PLCB1: variants seen among roughly 807,000 people sequenced by gnomAD.
PLCB1 encodes phospholipase C beta 1, also known as 1-phosphatidylinositol 4,5-bisphosphate phosphodiesterase beta-1.
A neutral mutation model predicts 161.8 loss-of-function variants in PLCB1; 46 were observed. The observed-to-expected ratio is 0.28, with a 90% CI of 0.22 to 0.36. The LOEUF is 0.36. Among genes scored for constraint, PLCB1 ranks in the 10% least tolerant of loss-of-function variants. The pLI is 1.00. For synonymous variants in PLCB1, 517 were observed against 503.7 expected, an observed-to-expected ratio of 1.03 and a Z score of -0.35; for missense variants, 1,016 against 1,472.5, an observed-to-expected ratio of 0.69 and a Z score of 5.07.
Position 8,557,083 on chromosome 20 carries a change from A to G in PLCB1, c.247-71211A>G, listed in dbSNP as rs1035348962. On this transcript the variant is annotated intron_variant, in intron 3 of 31. Coordinates refer to ENST00000338037, the MANE Select transcript of PLCB1 (RefSeq NM_015192.4). ...GTGAAGATGAGGGAAACTGTAACCC[A>G]TGTATGTTCCTAGTGATGATAGGAA... is the stretch of plus-strand genomic sequence containing the variant. Among the ~76,000 whole-genome samples the G allele has an allele frequency of 7.2e-5, 11 of 151,870 alleles. 1 individual carries two copies. In the South Asian group the frequency reaches 8.3e-4, roughly 11 times the overall value.
At chr20:8,478,171 A>G (rs1982358973) in intron 3 of PLCB1, among the ~76,000 whole-genome samples, 2 of 152,218 alleles carry the variant, frequency 1.3e-5, no homozygotes, top group African/African-American at 4.8e-5. Flanking sequence ...AAGATCAAGT[A>G]TTTGTTGAGA....
chr20:8,203,933 A>G (rs1978384252), intron 2 of PLCB1, among the ~76,000 whole-genome samples: 1 of 152,022 alleles, frequency 6.6e-6, no homozygotes, highest in Non-Finnish European at 1.5e-5. Flanking sequence ...AACACCTTTC[A>G]TTGCCTTCCA....
At chr20:8,811,384 C>T (rs931701455) in intron 31 of PLCB1, among the ~76,000 whole-genome samples, 3 of 152,158 alleles carry the variant, frequency 2.0e-5, no homozygotes, top group African/African-American at 7.2e-5. Flanking sequence ...ATGAATCCTT[C>T]TAATTCATGG....
chr20:8,359,577 T>C (rs1465167653), intron 2 of PLCB1, among the ~76,000 whole-genome samples: 1 of 152,190 alleles, frequency 6.6e-6, no homozygotes, highest in Non-Finnish European at 1.5e-5. Context: ...AATCAGGCAC[T>C]GTCTCTCACG....
At chr20:8,494,671 T>G (rs1055962176) in intron 3 of PLCB1, among the ~76,000 whole-genome samples, 2 of 143,726 alleles carry the variant, frequency 1.4e-5, no homozygotes. Flanking sequence ...CAATTTCTAC[T>G]TCTTTCTTCT....
Position 8,704,408 on chromosome 20 carries a change from A to G in PLCB1, c.1168-4262A>G, listed in dbSNP as rs146906674. 5.6e-3 allele frequency among the ~76,000 whole-genome samples: 858 copies of G among 152,316 alleles called. 12 individuals are homozygous for G. Among genetic ancestry groups the G allele is most frequent in the African/African-American group, 0.02 (815 of 41,568 alleles). On this transcript the variant is annotated intron_variant, in intron 11 of 31. Transcript: ENST00000338037. ...AAAGACTAATTACACTTTTATTTAC[A>G]TGTGTATTTGCAGGACTTTTGTAAT...
chr20:8,433,603 C>T (rs1980155987), intron 3 of PLCB1, among the ~76,000 whole-genome samples: 1 of 147,026 alleles, frequency 6.8e-6, no homozygotes, highest in Non-Finnish European at 1.5e-5. Context: ...GTAACTGCCT[C>T]ATAGGTTTGT....
At chr20:8,341,679 A>G (rs1187815483) in intron 2 of PLCB1, among the ~76,000 whole-genome samples, 1 of 152,164 alleles carries the variant, frequency 6.6e-6, no homozygotes, top group Non-Finnish European at 1.5e-5. Context: ...AATAGCACTA[A>G]TTATATCTGA....
chr20:8,316,872 G>A (rs1339549373), intron 2 of PLCB1, among the ~76,000 whole-genome samples: 1 of 151,858 alleles, frequency 6.6e-6, no homozygotes, highest in African/African-American at 2.4e-5. Flanking sequence ...ATCCCCTCAC[G>A]GCATTTATCA....
intron 3 of PLCB1, among the ~76,000 whole-genome samples, chr20:8,443,075 G>T (rs1056754733): frequency 6.6e-6 from 1 of 151,910 alleles, no homozygotes; most frequent in African/African-American, 2.4e-5. Context: ...TGCATCCTGG[G>T]TTCAAGCGAT....
intron 3 of PLCB1, among the ~76,000 whole-genome samples, chr20:8,552,147 C>T (rs1000733573): frequency 4.6e-5 from 7 of 152,138 alleles, no homozygotes; most frequent in Admixed American, 1.3e-4. Context: ...TTATTACTTG[C>T]CACAACAGGG....
intron 2 of PLCB1, among the ~76,000 whole-genome samples, chr20:8,316,825 C>A (rs1984679856): frequency 6.6e-6 from 1 of 152,028 alleles, no homozygotes; most frequent in South Asian, 2.1e-4. Context: ...TAGTACAGAT[C>A]CCCAGTCCCT....
At chr20:8,834,750 G>C (rs1375430553) in intron 31 of PLCB1, among the ~76,000 whole-genome samples, 1 of 144,058 alleles carries the variant, frequency 6.9e-6, no homozygotes, top group African/African-American at 2.5e-5. Context: ...GGGAGGCAGA[G>C]GTTGCAGTGA....
chr20:8,748,352 T>C (rs1981278637), intron 23 of PLCB1, among the ~76,000 whole-genome samples: 1 of 152,202 alleles, frequency 6.6e-6, no homozygotes, highest in African/African-American at 2.4e-5. Flanking sequence ...TGGTGCCTAA[T>C]ATCAACGGCC....
At chr20:8,774,783 A>G in intron 27 of PLCB1, 64 bp downstream of exon 27, 3 of 1,399,578 alleles carry the variant, frequency 2.1e-6, no homozygotes, top group South Asian at 2.8e-5. Flanking sequence ...AACTTTGGAT[A>G]CTTTTGGATA....
chr20:8,704,935 T>C (rs936999069), intron 11 of PLCB1, among the ~76,000 whole-genome samples: 1 of 149,130 alleles, frequency 6.7e-6, no homozygotes, highest in Non-Finnish European at 1.5e-5. Flanking sequence ...AGAAGACCAA[T>C]GTCCCAGCTC....
chr20:8,192,547 C>T (rs1416778206), intron 2 of PLCB1, among the ~76,000 whole-genome samples: 1 of 151,368 alleles, frequency 6.6e-6, no homozygotes, highest in Non-Finnish European at 1.5e-5. Context: ...TCATCTGCAA[C>T]CTGAAGTCAG....
chr20:8,556,097 G>C (rs756772945), intron 3 of PLCB1, among the ~76,000 whole-genome samples: 1 of 151,922 alleles, frequency 6.6e-6, no homozygotes, highest in Non-Finnish European at 1.5e-5. Context: ...ATCTAAGTTA[G>C]TCTTAGAATT....
intron 17 of PLCB1, among the ~76,000 whole-genome samples, chr20:8,728,576 A>G (rs1164235136): frequency 6.6e-6 from 1 of 152,088 alleles, no homozygotes; most frequent in East Asian, 1.9e-4. Flanking sequence ...TATACAGTGC[A>G]TATTATCTAC....
Sources: allele counts gnomAD v4.1 joint callset (sites outside exome capture counted in the v4.1 genomes callset), GRCh38; gene constraint gnomAD v4.1.1; transcripts MANE v1.5; gene names NCBI Gene and HGNC (gene_info 2026-07-23, HGNC 2026-07-21).